Variants in SYT7 observed in about 807,000 individuals in gnomAD.
The protein encoded by SYT7 is synaptotagmin 7.
In SYT7, 29 loss-of-function variants were observed where a neutral mutation model predicts 75.1. The ratio of observed to expected loss-of-function variants is 0.39; its 90% CI spans 0.29 to 0.53. The LOEUF (loss-of-function observed/expected upper bound fraction) is 0.53. Ranked by LOEUF, SYT7 falls within the 20% of genes least tolerant of loss-of-function variation. The pLI is 0.77. For missense variants in SYT7, 693 were observed against 953.2 expected (o/e 0.73, Z 3.59); for synonymous variants, 376 against 401.7 (o/e 0.94, Z 0.76).
intron 7 of SYT7, among the ~76,000 whole-genome samples, chr11:61,537,334 G>A (rs558586827): frequency 6.6e-5 from 10 of 151,024 alleles, no homozygotes; most frequent in East Asian, 2.0e-4. Context: ...CATGAGCAGC[G>A]CCCCACCCCC....
At chr11:61,559,044 C>T (rs531998880) in intron 1 of SYT7, among the ~76,000 whole-genome samples, 18 of 152,302 alleles carry the variant, frequency 1.2e-4, no homozygotes, top group African/African-American at 4.1e-4. Context: ...GTGCCCAGCC[C>T]CACCTCTGCC....
At position 61,517,733 on chromosome 11, in the gene SYT7, G is replaced by A; in HGVS notation, c.*894C>T. On this transcript the variant is annotated 3_prime_UTR_variant, in exon 13 of 13. Transcript: ENST00000539008. The stretch of plus-strand genomic sequence containing the variant: ...GAAGGGAGATGAGTCCTGGTGGAAT[G>A]CTATGCACACAGTAGGTGCCTAAAA... 1 of 397,130 alleles carries A rather than the reference G, an allele frequency of 2.5e-6. No homozygotes were observed. Among genetic ancestry groups the A allele is most frequent in the Non-Finnish European group, 4.4e-6 (1 of 225,732 alleles). The allele number at this position is 397,130 out of a possible 1,614,324, so 24.6% of individuals were successfully genotyped here.
chr11:61,546,597 G>T lies in SYT7; in HGVS notation c.348-342C>A. The T allele has an allele frequency of 2.1e-6, 1 of 479,212 alleles. No individual in the cohort carries two copies. Among genetic ancestry groups the T allele is most frequent in the Non-Finnish European group, 4.1e-6 (1 of 243,680 alleles). The allele number at this position is 479,212 out of a possible 1,614,324, so 29.7% of individuals were successfully genotyped here. A position where few individuals can be genotyped will look rare whatever the true frequency, so the allele number is the denominator to read the frequency against. On this transcript the variant is annotated intron_variant, in intron 4 of 12. Transcript: ENST00000539008. This position sits in a 1 kb window ranked among gnomAD's most constrained non-coding sequence, Gnocchi z 7.6. ...GGCAGGGGCGGCGGGGGTTGGGGGA[G>T]GGCAGCCACCTCCAACTCTATCCCA...
rs1270114356 is a variant in SYT7, at chr11:61,515,995, C to T, written c.*2632G>A. 6.6e-6 allele frequency: 1 copy of T among 152,644 alleles called. No homozygotes were observed. The highest frequency in any genetic ancestry group is 1.5e-5 in the Non-Finnish European group (1 of 68,064). 9.5% of individuals were successfully genotyped at this position (152,644 alleles called of 1,614,324 possible). Reference sequence around the variant, plus strand: ...GGTCAGGTGATGGTGGCCTCACAACCTCCCCTATGAGGTAGGTGAAGTATT... The same window carrying T: ...GGTCAGGTGATGGTGGCCTCACAACTTCCCCTATGAGGTAGGTGAAGTATT... On this transcript the variant is annotated 3_prime_UTR_variant, in exon 13 of 13. Coordinates refer to ENST00000539008, the MANE Select transcript of SYT7 (RefSeq NM_001365809.2).
chr11:61,519,504 G>C (rs1023446037), intron 12 of SYT7, among the ~76,000 whole-genome samples: 1 of 152,218 alleles, frequency 6.6e-6, no homozygotes, highest in Non-Finnish European at 1.5e-5. Context: ...ATAGAGAATG[G>C]GAAAGACTGA....
intron 12 of SYT7, among the ~76,000 whole-genome samples, chr11:61,521,120 A>C (rs2062314754): frequency 6.6e-6 from 1 of 152,226 alleles, no homozygotes; most frequent in Non-Finnish European, 1.5e-5. Flanking sequence ...GATTGCCCCC[A>C]TGGCAACCTC....
At chr11:61,530,906 C>T (rs1371881134) in intron 8 of SYT7, 3 of 985,348 alleles carry the variant, frequency 3.0e-6, no homozygotes, top group Non-Finnish European at 3.6e-6. Flanking sequence ...GAAGGTGCTT[C>T]CTGAGCGCTT....
intron 1 of SYT7, among the ~76,000 whole-genome samples, chr11:61,557,650 T>C (rs1323729824): frequency 6.6e-6 from 1 of 152,212 alleles, no homozygotes; most frequent in Non-Finnish European, 1.5e-5. Flanking sequence ...CCTGTCCACC[T>C]GCCAGGCAAA....
upstream of SYT7, among the ~76,000 whole-genome samples, chr11:61,585,911 C>A (rs2064375584): frequency 1.3e-5 from 2 of 152,182 alleles, no homozygotes; most frequent in African/African-American, 2.4e-5. Flanking sequence ...GTTTTCTCAT[C>A]TGTAAAATAA....
chr11:61,585,554 C>G (rs2064368670), upstream of SYT7, among the ~76,000 whole-genome samples: 1 of 152,174 alleles, frequency 6.6e-6, no homozygotes, highest in Non-Finnish European at 1.5e-5. Flanking sequence ...GGACAAGAGT[C>G]TGGAGAAGAT....
At position 61,546,199 on chromosome 11, in the gene SYT7, C is replaced by T. The variant is rs939658850; in HGVS notation, c.404G>A (p.Arg135Gln). The T allele has an allele frequency of 2.6e-5, 39 of 1,510,946 alleles. No homozygotes were observed. The highest frequency in any genetic ancestry group is 6.2e-5 in the South Asian group (5 of 81,098). The allele number at this position is 1,510,946 out of a possible 1,614,324, so 93.6% of individuals were successfully genotyped here. A position where few individuals can be genotyped will look rare whatever the true frequency, so the allele number is the denominator to read the frequency against. ...VAAAAGLAVE[R>Q]EGRLGEKPAP... is the part of the protein sequence containing the mutation. ...CGGCTTCTCCCCCAGCCGGCCTTCC[C>T]GCTCCACCGCCAGCCCCGCCGCGGC... Residue 135 changes from arginine (R) to glutamine (Q), a missense_variant, in exon 5 of 13, where the codon CGG becomes CAG. Around this residue, in one of 2 missense-constraint regions of SYT7, gnomAD observed 487 missense variants for 593.2 expected, o/e 0.82. Transcript: ENST00000539008. This position sits in a 1 kb window ranked among gnomAD's most constrained non-coding sequence, Gnocchi z 7.6.
chr11:61,538,071 C>T (rs968332886), intron 7 of SYT7, 73 bp downstream of exon 7: 36 of 1,519,668 alleles, frequency 2.4e-5, no homozygotes, highest in African/African-American at 4.1e-5. Context: ...CAGCCGGGGC[C>T]GGTCGAGGCA....
intron 1 of SYT7, among the ~76,000 whole-genome samples, chr11:61,556,431 T>G (rs973147106): frequency 6.6e-6 from 1 of 152,226 alleles, no homozygotes; most frequent in African/African-American, 2.4e-5. Flanking sequence ...CTGTGCCAGT[T>G]GGCATCTTTC....
At position 61,546,370 on chromosome 11, in the gene SYT7, G is replaced by T; in HGVS notation, c.348-115C>A. The T allele has an allele frequency of 1.5e-6, 1 of 648,102 alleles. No individual in the cohort carries two copies. Among genetic ancestry groups the T allele is most frequent in the South Asian group, 2.0e-5 (1 of 49,672 alleles). 40.1% of individuals were successfully genotyped at this position (648,102 alleles called of 1,614,324 possible). A position where few individuals can be genotyped will look rare whatever the true frequency, so the allele number is the denominator to read the frequency against. ...TGGAAGAGGAAGAAAAACAATAACAGATAAAAGGAAGAAAGAGACAGTGAG... is the reference window on the plus strand; with the variant it reads ...TGGAAGAGGAAGAAAAACAATAACATATAAAAGGAAGAAAGAGACAGTGAG... On this transcript the variant is annotated intron_variant, in intron 4 of 12. Transcript: ENST00000539008. The surrounding 1 kb of genome is among the most constrained non-coding windows in gnomAD (Gnocchi z 7.6).
chr11:61,549,396 T>C (rs1237178179), intron 3 of SYT7, among the ~76,000 whole-genome samples: 1 of 152,180 alleles, frequency 6.6e-6, no homozygotes, highest in Admixed American at 6.5e-5. Flanking sequence ...GTGTGCAGTG[T>C]TCCCCAAACT....
At chr11:61,544,886 C>T (rs12277749) in intron 5 of SYT7, among the ~76,000 whole-genome samples, 29 of 152,228 alleles carry the variant, frequency 1.9e-4, no homozygotes, top group African/African-American at 6.5e-4. Flanking sequence ...GATCTTGGTA[C>T]GGTGGCCTTC....
Position 61,528,148 on chromosome 11 carries a change from C to T in SYT7, c.1238G>A (p.Gly413Asp). ...CCGGCCCAGGTTCTCTCGGCTGCAA[C>T]CCTCGTGGGCCTCATCCTCCTCGGA... ...PGSEEDEAHE[G>D]CSRENLGRIQ... The change falls in exon 9 of 13, where the codon GGT (glycine) becomes GAT (aspartate). Residue 413 changes from glycine to aspartate, a missense_variant. Physicochemically the swap from Gly to Asp is moderately conservative, Grantham distance 94 (BLOSUM62 -1). This residue lies in a region of SYT7 where 487 missense variants were observed against 593.2 expected (regional missense o/e 0.82). Transcript: ENST00000539008. 6.2e-7 allele frequency: 1 copy of T among 1,612,720 alleles called. No homozygotes were observed. Among genetic ancestry groups the T allele is most frequent in the Non-Finnish European group, 8.5e-7 (1 of 1,179,994 alleles).
Position 61,542,258 on chromosome 11 carries a change from G to A in SYT7, c.894C>T (p.His298=), listed in dbSNP as rs1014495024. 10 of 1,535,248 alleles carry A rather than the reference G, an allele frequency of 6.5e-6. No homozygotes were observed. Among genetic ancestry groups the A allele is most frequent in the Middle Eastern group, 1.7e-4 (1 of 5,968 alleles). Residue 298 remains histidine, a synonymous_variant, in exon 6 of 13, where the codon CAC becomes CAT. Coordinates refer to ENST00000539008, the MANE Select transcript of SYT7 (RefSeq NM_001365809.2). This position sits in a 1 kb window ranked among gnomAD's most constrained non-coding sequence, Gnocchi z 7.8. ...RSRSNPGSWD[H]VVGQIRNRGL... is the part of the protein sequence containing the mutation. Reference sequence around the variant, plus strand: ...CTCGGTTTCGAATCTGCCCCACCACGTGGTCCCAGCTGCCTGGGTTGGAGC... The same window carrying A: ...CTCGGTTTCGAATCTGCCCCACCACATGGTCCCAGCTGCCTGGGTTGGAGC...
In SYT7 at chr11:61,518,551, C is replaced by T. The variant is rs186202749; in HGVS notation, c.*76G>A. On this transcript the variant is annotated 3_prime_UTR_variant, in exon 13 of 13. Transcript: ENST00000539008. ...CCTCCCTATGGCAGGGGGCTCAGGC[C>T]GGGCGTTGTGCATAAAGTGGTGAGG... 6.0e-4 allele frequency: 663 copies of T among 1,102,264 alleles called. No individual in the cohort carries two copies. The highest frequency in any genetic ancestry group is 6.8e-4 in the Non-Finnish European group (540 of 788,500). 68.3% of individuals were successfully genotyped at this position (1,102,264 alleles called of 1,614,324 possible). A position where few individuals can be genotyped will look rare whatever the true frequency, so the allele number is the denominator to read the frequency against.
Sources: gnomAD v4.1 joint callset for allele counts (sites outside exome capture counted in the v4.1 genomes callset) on GRCh38, gnomAD v4.1.1 for gene constraint, gnomAD v4.1.1 regional missense constraint, Gnocchi (gnomAD v3.1) non-coding constraint, MANE v1.5 for transcripts, NCBI Gene and HGNC (gene_info 2026-07-23, HGNC 2026-07-21) for gene names.